The following TBC1D9 variants were observed in gnomAD, a reference collection of about 807,000 sequenced individuals.
TBC1D9 encodes the protein TBC1 domain family member 9.
In TBC1D9, 63 loss-of-function variants were observed where a neutral mutation model predicts 132.0. The ratio of observed to expected loss-of-function variants is 0.48; its 90% CI spans 0.39 to 0.59. The LOEUF is 0.59. Among genes scored for constraint, TBC1D9 ranks in the 20% least tolerant of loss-of-function variants. The pLI is 0.00. For missense variants in TBC1D9, 1,261 were observed against 1,592.7 expected, an observed-to-expected ratio of 0.79 and a Z score of 3.54; for synonymous variants, 610 against 609.9, an observed-to-expected ratio of 1.00 and a Z score of 0.00.
Position 140,669,076 on chromosome 4 carries a change from G to A in TBC1D9, c.1438-9C>T, listed in dbSNP as rs1221442689. 6.2e-7 allele frequency: 1 copy of A among 1,613,630 alleles called. No individual in the cohort carries two copies. Among genetic ancestry groups the A allele is most frequent in the African/African-American group, 1.3e-5 (1 of 74,916 alleles). ...TTCAGAAACTCTTTGGCCTGAAAGG[G>A]ATAATGAAACATTATGACATCCAAA... is the stretch of plus-strand genomic sequence containing the variant. On this transcript the variant is annotated splice_polypyrimidine_tract_variant and intron_variant, in intron 8 of 20. Coordinates refer to ENST00000442267, the MANE Select transcript of TBC1D9 (RefSeq NM_015130.3).
At chr4:140,729,818 C>CA (rs35283552) in intron 1 of TBC1D9, among the ~76,000 whole-genome samples, 4,968 of 51,850 alleles carry the variant, frequency 0.096, 1,136 homozygotes, top group Admixed American at 0.13. Flanking sequence ...GATTCCATCT[C>CA]AAAAAAAAAA....
At chr4:140,649,979 T>C (rs1299752565) in intron 13 of TBC1D9, among the ~76,000 whole-genome samples, 1 of 152,266 alleles carries the variant, frequency 6.6e-6, no homozygotes, top group Admixed American at 6.5e-5. Context: ...TATCATTTAA[T>C]ATTTTATGCT....
chr4:140,701,573 C>G lies in TBC1D9; in HGVS notation c.172G>C (p.Ala58Pro). Residue 58 changes from alanine (A) to proline (P), a missense_variant, in exon 2 of 21, where the codon GCC becomes CCC. Physicochemically the swap from Ala to Pro is conservative, Grantham distance 27 (BLOSUM62 -1). Transcript: ENST00000442267. ...AAGATTCGGTAAGGAGCGACCCGGG[C>G]GCTGGAGTCCAACACAACATCAAGG... The part of the protein sequence containing the change: ...GTLDVVLDSS[A>P]RVAPYRILYQ... 1 of 1,613,902 alleles carries G rather than the reference C, an allele frequency of 6.2e-7. No individual in the cohort carries two copies. Among genetic ancestry groups the G allele is most frequent in the South Asian group, 1.1e-5 (1 of 91,078 alleles).
intron 1 of TBC1D9, among the ~76,000 whole-genome samples, chr4:140,703,375 A>G (rs946232420): frequency 1.3e-5 from 2 of 152,200 alleles, no homozygotes; most frequent in Non-Finnish European, 2.9e-5. Context: ...GCACAATGCC[A>G]CTGAAATTCA....
chr4:140,744,333 A>G (rs141613462), intron 1 of TBC1D9, among the ~76,000 whole-genome samples: 2,090 of 152,266 alleles, frequency 0.014, 16 homozygotes, highest in Non-Finnish European at 0.019. Flanking sequence ...CCTTTCTCTC[A>G]GCCAAGGGAA....
chr4:140,669,854 C>G (rs773554869), intron 7 of TBC1D9, 50 bp from the exon 8 acceptor site: 14 of 1,544,968 alleles, frequency 9.1e-6, no homozygotes, highest in Non-Finnish European at 1.2e-5. Context: ...GGCAATAGAA[C>G]CTACTTCTTC....
At chr4:140,652,476 G>C (rs927361813) in intron 13 of TBC1D9, among the ~76,000 whole-genome samples, 4 of 152,104 alleles carry the variant, frequency 2.6e-5, no homozygotes, top group Admixed American at 2.6e-4. Flanking sequence ...GTGATTTCAA[G>C]ACTCCCTACT....
chr4:140,737,379 A>G (rs1560900644), intron 1 of TBC1D9, among the ~76,000 whole-genome samples: 2 of 151,086 alleles, frequency 1.3e-5, no homozygotes, highest in South Asian at 4.2e-4. Flanking sequence ...CTCTCCCTCC[A>G]TTCTCTATCT....
In TBC1D9 at chr4:140,634,057, A is replaced by T; in HGVS notation, c.2637T>A (p.Phe879Leu). The change falls in exon 16 of 21, where the codon TTT (phenylalanine) becomes TTA (leucine). Residue 879 changes from phenylalanine to leucine, a missense_variant. By Grantham distance (22) the Phe-to-Leu change is conservative. Coordinates refer to ENST00000442267, the MANE Select transcript of TBC1D9 (RefSeq NM_015130.3). The stretch of plus-strand genomic sequence containing the variant: ...CAGAGTGAGTTCCACATGCCCAAGG[A>T]AAGAGAAGAGCAAACATTCCCTTGA... ...EQFKGMFALL[F>L]PWACGTHSDV... is the part of the protein sequence containing the mutation. The T allele has an allele frequency of 1.2e-6, 2 of 1,614,034 alleles. No homozygotes were observed. The highest frequency in any genetic ancestry group is 1.7e-6 in the Non-Finnish European group (2 of 1,179,896).
At chr4:140,746,895 A>G (rs774902157) in intron 1 of TBC1D9, among the ~76,000 whole-genome samples, 9 of 152,186 alleles carry the variant, frequency 5.9e-5, no homozygotes, top group Non-Finnish European at 1.0e-4. Context: ...GGACGGGCGC[A>G]GTGGCTCATG....
chr4:140,623,011 C>T (rs11943049), intron 20 of TBC1D9, 94 bp from the exon 21 acceptor site: 1 of 1,392,482 alleles, frequency 7.2e-7, no homozygotes, highest in Non-Finnish European at 9.4e-7. Context: ...ATGAGAACGC[C>T]TAAAGATCCC....
At position 140,642,103 on chromosome 4, in the gene TBC1D9, C is replaced by A. The variant is rs1189556745; in HGVS notation, c.2338-2675G>T. On this transcript the variant is annotated intron_variant, in intron 13 of 20. Coordinates refer to ENST00000442267, the MANE Select transcript of TBC1D9 (RefSeq NM_015130.3). Reference sequence around the variant, plus strand: ...GGCGGAGGAGGGGGTGTGTGCCAGGCCCTCTTGGTCAGCTAGGGGCCGCCA... The same window carrying A: ...GGCGGAGGAGGGGGTGTGTGCCAGGACCTCTTGGTCAGCTAGGGGCCGCCA... 8.6e-5 allele frequency: 63 copies of A among 731,372 alleles called. No individual in the cohort carries two copies. In the Admixed American group the frequency reaches 1.1e-3, roughly 13 times the overall value. The allele number at this position is 731,372 out of a possible 1,614,324, so 45.3% of individuals were successfully genotyped here.
At chr4:140,731,691 A>ACC (rs1446323642) in intron 1 of TBC1D9, among the ~76,000 whole-genome samples, 1 of 151,414 alleles carries the variant, frequency 6.6e-6, no homozygotes, top group Non-Finnish European at 1.5e-5. Context: ...ACACACACAC[A>ACC]CACCCCAAAC....
At chr4:140,639,063 C>T (rs1736922430) in intron 15 of TBC1D9, 23 bp downstream of exon 15, 1 of 1,549,350 alleles carries the variant, frequency 6.5e-7, no homozygotes, top group South Asian at 1.2e-5. Context: ...TTTGAATGGG[C>T]ATGAATTTAC....
intron 11 of TBC1D9, among the ~76,000 whole-genome samples, chr4:140,658,096 C>T (rs753608311): frequency 2.6e-5 from 4 of 152,150 alleles, no homozygotes; most frequent in South Asian, 2.1e-4. Flanking sequence ...ATAAGGTTTT[C>T]GTGACATACA....
intron 1 of TBC1D9, among the ~76,000 whole-genome samples, chr4:140,733,598 G>A (rs2111070364): frequency 6.6e-6 from 1 of 152,054 alleles, no homozygotes; most frequent in East Asian, 1.9e-4. Flanking sequence ...GACTATACCT[G>A]GGCAGTCTGG....
intron 1 of TBC1D9, among the ~76,000 whole-genome samples, chr4:140,710,467 G>C (rs927650600): frequency 1.3e-5 from 2 of 152,198 alleles, no homozygotes; most frequent in African/African-American, 2.4e-5. Context: ...ACAAGAGAGA[G>C]AGAAGCCGTG....
intron 13 of TBC1D9, among the ~76,000 whole-genome samples, chr4:140,656,339 C>A (rs917707495): frequency 8.6e-5 from 13 of 152,040 alleles, no homozygotes; most frequent in Non-Finnish European, 1.5e-5. Context: ...GCTGGCAAGA[C>A]CCAGGGAAAG....
At chr4:140,681,342 A>G (rs552428966) in intron 3 of TBC1D9, among the ~76,000 whole-genome samples, 11 of 152,200 alleles carry the variant, frequency 7.2e-5, no homozygotes, top group African/African-American at 2.6e-4. Flanking sequence ...AGTAATGTTG[A>G]TTCTCTCTGC....
Sources: allele counts gnomAD v4.1 joint callset (sites outside exome capture counted in the v4.1 genomes callset), GRCh38; gene constraint gnomAD v4.1.1; transcripts MANE v1.5; gene names NCBI Gene and HGNC (gene_info 2026-07-23, HGNC 2026-07-21).